The following CACNA2D1 variants were observed in gnomAD, a reference collection of about 807,000 sequenced individuals.
CACNA2D1 encodes voltage-dependent calcium channel subunit alpha-2/delta-1.
In CACNA2D1, 53 loss-of-function variants were observed where a neutral mutation model predicts 171.5. That is an observed-to-expected ratio of 0.31 (90% CI 0.25 to 0.39). CACNA2D1 has a LOEUF of 0.39. Ranked by LOEUF, CACNA2D1 falls within the 10% of genes least tolerant of loss-of-function variation. The probability of loss-of-function intolerance (pLI) is 1.00; values close to 1 mark genes in which losing one functional copy is unlikely to be tolerated. For synonymous variants in CACNA2D1, 442 were observed against 443.1 expected, an observed-to-expected ratio of 1.00 and a Z score of 0.03; for missense variants, 903 against 1,299.8, an observed-to-expected ratio of 0.69 and a Z score of 4.69.
chr7:81,950,647 T>A, intron 38 of CACNA2D1, 139 bp from the exon 39 acceptor site: 11 of 1,221,094 alleles, frequency 9.0e-6, no homozygotes, highest in Non-Finnish European at 1.2e-5. Flanking sequence ...GTAATTGAAA[T>A]CCAAAGAAAT....
chr7:82,443,349 C>G lies in CACNA2D1; in HGVS notation c.95+16G>C. 6.3e-7 allele frequency: 1 copy of G among 1,598,264 alleles called. No homozygotes were observed. The highest frequency in any genetic ancestry group is 8.5e-7 in the Non-Finnish European group (1 of 1,172,898). On this transcript the variant is annotated intron_variant, in intron 1 of 38. Transcript: ENST00000356860. ...CGCCCCTCGGCCGGCGCTCCCTGCC[C>G]GGCCCGCCGACTTACGTGACGGCCG...
intron 1 of CACNA2D1, among the ~76,000 whole-genome samples, chr7:82,437,990 C>T (rs1283913802): frequency 6.6e-6 from 1 of 152,130 alleles, no homozygotes; most frequent in Non-Finnish European, 1.5e-5. Flanking sequence ...TAGGTGCCAA[C>T]ATTTCAAATG....
At chr7:82,189,410 T>C (rs919896342) in intron 3 of CACNA2D1, among the ~76,000 whole-genome samples, 1 of 151,908 alleles carries the variant, frequency 6.6e-6, no homozygotes, top group Non-Finnish European at 1.5e-5. Context: ...CTATCTAAGA[T>C]TCACTCATTT....
chr7:81,989,568 G>A (rs1797321588), intron 21 of CACNA2D1, among the ~76,000 whole-genome samples: 1 of 152,180 alleles, frequency 6.6e-6, no homozygotes. Context: ...AGTCATCTAC[G>A]AGAGTCCTAA....
In CACNA2D1 at chr7:82,033,020, A is replaced by T. The variant is rs144584377; in HGVS notation, c.1039-119T>A. 1.4e-4 allele frequency: 93 copies of T among 671,964 alleles called. No homozygotes were observed. The African/African-American group carries it at 1.5e-3, about 11-fold the overall frequency. The allele number at this position is 671,964 out of a possible 1,614,324, so 41.6% of individuals were successfully genotyped here. A position where few individuals can be genotyped will look rare whatever the true frequency, so the allele number is the denominator to read the frequency against. Reference sequence around the variant, plus strand: ...GTAATTAATGAAATATCTGCTCACAAAATATATTCTAAGAACTGGTTCCTG... The same window carrying T: ...GTAATTAATGAAATATCTGCTCACATAATATATTCTAAGAACTGGTTCCTG... On this transcript the variant is annotated intron_variant, in intron 11 of 38. Transcript: ENST00000356860.
chr7:82,302,410 TC>T (rs1265823219), intron 3 of CACNA2D1, among the ~76,000 whole-genome samples: 454 of 124,078 alleles, frequency 3.7e-3, no homozygotes, highest in Non-Finnish European at 6.9e-3. Context: ...GATTTCTAAT[TC>T]TTTTTTTTTT....
chr7:81,979,430 T>C (rs1584269657), intron 24 of CACNA2D1, among the ~76,000 whole-genome samples: 1 of 152,188 alleles, frequency 6.6e-6, no homozygotes. Context: ...TCTTTCTCTA[T>C]GTATCTGGAT....
intron 1 of CACNA2D1, among the ~76,000 whole-genome samples, chr7:82,399,345 C>G (rs1189052354): frequency 1.3e-5 from 2 of 151,526 alleles, no homozygotes; most frequent in African/African-American, 4.9e-5. Context: ...GAGGCTCAGG[C>G]AGGAGAATCA....
At chr7:82,157,630 T>C (rs1794500596) in intron 4 of CACNA2D1, among the ~76,000 whole-genome samples, 2 of 152,020 alleles carry the variant, frequency 1.3e-5, no homozygotes. Flanking sequence ...TTCCATTCCC[T>C]CCTAGCCAAA....
rs768317947 is a variant in CACNA2D1 at position 82,155,015 on chromosome 7, C to G, written c.354+15535G>C. 1.4e-4 allele frequency among the ~76,000 whole-genome samples: 21 copies of G among 151,962 alleles called. 1 individual carries two copies. Among genetic ancestry groups the G allele is most frequent in the Middle Eastern group, 6.3e-3 (2 of 316 alleles). On this transcript the variant is annotated intron_variant, in intron 4 of 38. Transcript: ENST00000356860. Reference sequence around the variant, plus strand: ...GGTGCTGTACTCATGAGAGTGAGTTCTCAGGAGAACTGGTTGTGTAAAGTG... The same window carrying G: ...GGTGCTGTACTCATGAGAGTGAGTTGTCAGGAGAACTGGTTGTGTAAAGTG...
chr7:82,386,419 T>C (rs560430617), intron 1 of CACNA2D1, among the ~76,000 whole-genome samples: 5 of 152,244 alleles, frequency 3.3e-5, no homozygotes, highest in African/African-American at 1.2e-4. Flanking sequence ...AATATACTTA[T>C]CATAGCCTTC....
intron 3 of CACNA2D1, among the ~76,000 whole-genome samples, chr7:82,183,036 TAAAA>T (rs34429630): frequency 7.4e-6 from 1 of 134,476 alleles, no homozygotes; most frequent in Admixed American, 7.5e-5. Flanking sequence ...GACTCCATCT[TAAAA>T]AAAAAAAAAA....
Position 82,154,763 on chromosome 7 carries a change from T to C in CACNA2D1, c.354+15787A>G, listed in dbSNP as rs137929846. 4.1e-3 allele frequency among the ~76,000 whole-genome samples: 622 copies of C among 152,252 alleles called. 12 individuals carry two copies. In the East Asian group the frequency reaches 0.061, roughly 15 times the overall value. ...GCCTTTTATAAAAAATGAACACTAG[T>C]TGGTCTTTGTAGAGTCATTTCTAGT... On this transcript the variant is annotated intron_variant, in intron 4 of 38. Coordinates refer to ENST00000356860, the MANE Select transcript of CACNA2D1 (RefSeq NM_000722.4).
At chr7:82,297,142 GT>G (rs1283258285) in intron 3 of CACNA2D1, among the ~76,000 whole-genome samples, 1 of 150,252 alleles carries the variant, frequency 6.7e-6, no homozygotes, top group Admixed American at 6.7e-5. Context: ...AGCTAATCAG[GT>G]GGCTGAGGCA....
chr7:82,127,716 G>A (rs1170440002), intron 5 of CACNA2D1, among the ~76,000 whole-genome samples: 4 of 152,240 alleles, frequency 2.6e-5, no homozygotes, highest in Admixed American at 2.6e-4. Flanking sequence ...TTTAAGTAAA[G>A]CACTTGATTG....
chr7:82,337,852 C>G (rs1461555060), intron 2 of CACNA2D1, among the ~76,000 whole-genome samples: 1 of 152,142 alleles, frequency 6.6e-6, no homozygotes, highest in Non-Finnish European at 1.5e-5. Flanking sequence ...CTGCTGCCAC[C>G]CTGACATAAG....
intron 18 of CACNA2D1, among the ~76,000 whole-genome samples, chr7:82,001,068 T>C (rs1798561186): frequency 6.6e-6 from 1 of 152,170 alleles, no homozygotes; most frequent in African/African-American, 2.4e-5. Flanking sequence ...ATAGTTTTAC[T>C]GTGCATTTAG....
rs143405430 is a variant in CACNA2D1 at position 82,112,453 on chromosome 7, A to G, written c.526+4591T>C. 3.8e-3 allele frequency among the ~76,000 whole-genome samples: 578 copies of G among 152,322 alleles called. 4 individuals carry two copies. The highest frequency in any genetic ancestry group is 0.013 in the African/African-American group (554 of 41,578). On this transcript the variant is annotated intron_variant, in intron 6 of 38. Transcript: ENST00000356860. ...CCACTGAAGTATTTTCACTGAGACT[A>G]TAATTTTCTCAAAAATATGCAGATA...
chr7:82,007,508 C>A (rs1369860812), intron 16 of CACNA2D1, among the ~76,000 whole-genome samples, 171 bp downstream of exon 16: 1 of 152,156 alleles, frequency 6.6e-6, no homozygotes, highest in Non-Finnish European at 1.5e-5. Flanking sequence ...GTTTGACCTG[C>A]ATTTCCTTTT....
Sources: allele counts gnomAD v4.1 joint callset (sites outside exome capture counted in the v4.1 genomes callset), GRCh38; gene constraint gnomAD v4.1.1; transcripts MANE v1.5; gene names NCBI Gene and HGNC (gene_info 2026-07-23, HGNC 2026-07-21).